The following EEPD1 variants were observed in gnomAD, a reference collection of about 807,000 sequenced individuals.
EEPD1 encodes the protein endonuclease/exonuclease/phosphatase family domain containing 1.
In EEPD1, 17 loss-of-function variants were observed where a neutral mutation model predicts 46.3. That is an observed-to-expected ratio of 0.37 (90% confidence interval 0.25 to 0.55). The LOEUF is 0.55. EEPD1 is among the 20% of genes least tolerant of loss of function. EEPD1 has a pLI of 0.83. For missense variants in EEPD1, 673 were observed against 745.6 expected, an observed-to-expected ratio of 0.90 and a Z score of 1.13; for synonymous variants, 313 against 315.6, an observed-to-expected ratio of 0.99 and a Z score of 0.09.
Position 36,193,962 on chromosome 7 carries a change from G to A in EEPD1, c.878+38760G>A, listed in dbSNP as rs1280310575. On this transcript the variant is annotated intron_variant, in intron 2 of 7. Coordinates refer to ENST00000242108, the MANE Select transcript of EEPD1 (RefSeq NM_030636.3). The surrounding 1 kb of genome is among the most constrained non-coding windows in gnomAD (Gnocchi z 4.9). Reference sequence around the variant, plus strand: ...TCCCCATTTGCATCCTCAGAGCCCTGCAGGTCCCCACCAGTCCCAGGACTT... The same window carrying A: ...TCCCCATTTGCATCCTCAGAGCCCTACAGGTCCCCACCAGTCCCAGGACTT... Among the ~76,000 whole-genome samples, 1 of 152,172 alleles carries A rather than the reference G, an allele frequency of 6.6e-6. No homozygotes were observed. Among genetic ancestry groups the A allele is most frequent in the East Asian group, 1.9e-4 (1 of 5,194 alleles).
chr7:36,213,608 C>G (rs1162788646), intron 2 of EEPD1, among the ~76,000 whole-genome samples: 1 of 152,080 alleles, frequency 6.6e-6, no homozygotes, highest in Non-Finnish European at 1.5e-5. Flanking sequence ...CTTGAGTTCA[C>G]CAACATTGAA....
chr7:36,292,313 T>G (rs557647082), intron 6 of EEPD1, among the ~76,000 whole-genome samples: 2 of 152,234 alleles, frequency 1.3e-5, no homozygotes, highest in Non-Finnish European at 1.5e-5. Flanking sequence ...AGCTGTTTTC[T>G]CTTAGAACCG....
chr7:36,293,622 G>C (rs1787481480), intron 6 of EEPD1, among the ~76,000 whole-genome samples: 1 of 152,104 alleles, frequency 6.6e-6, no homozygotes, highest in African/African-American at 2.4e-5. Context: ...GCTTCCTACA[G>C]GATCTCATTT....
At chr7:36,179,367 T>C (rs954882151) in intron 2 of EEPD1, among the ~76,000 whole-genome samples, 1 of 152,124 alleles carries the variant, frequency 6.6e-6, no homozygotes, top group Non-Finnish European at 1.5e-5. Flanking sequence ...GTAATATATA[T>C]ATTGGGGTTA....
intron 2 of EEPD1, among the ~76,000 whole-genome samples, chr7:36,171,621 G>A (rs1035174061): frequency 4.6e-5 from 7 of 152,230 alleles, no homozygotes; most frequent in Admixed American, 6.5e-5. Flanking sequence ...GTGTCTGAGT[G>A]TGTGTGAATT....
chr7:36,223,396 T>G (rs188593138), intron 2 of EEPD1, among the ~76,000 whole-genome samples: 1 of 151,736 alleles, frequency 6.6e-6, no homozygotes, highest in Non-Finnish European at 1.5e-5. Flanking sequence ...ACCACAGAAA[T>G]TGGCAAATGA....
intron 2 of EEPD1, among the ~76,000 whole-genome samples, chr7:36,236,019 G>A (rs1304512869): frequency 1.3e-5 from 2 of 151,752 alleles, no homozygotes; most frequent in African/African-American, 4.8e-5. Flanking sequence ...CGACCTCCCG[G>A]GCTCAAGAAA....
At chr7:36,260,977 A>G (rs1483677304) in intron 3 of EEPD1, among the ~76,000 whole-genome samples, 1 of 152,260 alleles carries the variant, frequency 6.6e-6, no homozygotes, top group Non-Finnish European at 1.5e-5. Flanking sequence ...GAAGATGTGC[A>G]TAGATTATAA....
intron 3 of EEPD1, among the ~76,000 whole-genome samples, chr7:36,253,527 G>C (rs1786780802): frequency 6.6e-6 from 1 of 152,074 alleles, no homozygotes; most frequent in Admixed American, 6.6e-5. Flanking sequence ...TGGTTGTTCT[G>C]TTATTGAAAG....
chr7:36,259,686 T>C (rs2115827323), intron 3 of EEPD1, among the ~76,000 whole-genome samples: 1 of 151,858 alleles, frequency 6.6e-6, no homozygotes, highest in Admixed American at 6.6e-5. Context: ...TTATAATTTT[T>C]TGTACTTTTA....
At chr7:36,223,389 A>C (rs1786181859) in intron 2 of EEPD1, among the ~76,000 whole-genome samples, 2 of 151,848 alleles carry the variant, frequency 1.3e-5, no homozygotes, top group Non-Finnish European at 2.9e-5. Flanking sequence ...GTAAGACACC[A>C]CAGAAATTGG....
chr7:36,167,532 TG>T (rs1298264852), intron 2 of EEPD1, among the ~76,000 whole-genome samples: 3 of 152,090 alleles, frequency 2.0e-5, no homozygotes, highest in Admixed American at 2.0e-4. Context: ...AGTTTTCCTC[TG>T]AAATGAGAGC....
At chr7:36,166,212 CTGTT>C (rs1394185491) in intron 2 of EEPD1, among the ~76,000 whole-genome samples, 1 of 152,156 alleles carries the variant, frequency 6.6e-6, no homozygotes, top group Non-Finnish European at 1.5e-5. Context: ...CCAGGCAAGA[CTGTT>C]TGGAGTTGAT....
Position 36,219,925 on chromosome 7 carries a change from A to G in EEPD1, c.879-19060A>G, listed in dbSNP as rs565824529. ...TTTGAGGGGAAGCTAGTGAATGGAA[A>G]GGAAAGGTAGGAAAATCAGACATGA... is the stretch of plus-strand genomic sequence containing the variant. On this transcript the variant is annotated intron_variant, in intron 2 of 7. Transcript: ENST00000242108. 5.5e-4 allele frequency among the ~76,000 whole-genome samples: 84 copies of G among 152,012 alleles called. No homozygotes were observed. The South Asian group carries it at 5.6e-3, about 10-fold the overall frequency.
intron 7 of EEPD1, 132 bp from the exon 8 acceptor site, chr7:36,298,875 G>C (rs1390044279): frequency 1.0e-6 from 1 of 991,332 alleles, no homozygotes; most frequent in African/African-American, 1.6e-5. Context: ...GCACCTTCCA[G>C]CTACCTGAGG....
intron 3 of EEPD1, among the ~76,000 whole-genome samples, chr7:36,255,130 T>A (rs1292422914): frequency 2.0e-5 from 3 of 152,226 alleles, no homozygotes; most frequent in African/African-American, 7.2e-5. Context: ...GTGCAGAAGC[T>A]CTTTAGTTTA....
intron 2 of EEPD1, among the ~76,000 whole-genome samples, chr7:36,167,395 A>T (rs150409958): frequency 1.3e-5 from 2 of 152,162 alleles, no homozygotes; most frequent in Admixed American, 6.5e-5. Context: ...AGAAAGCTGC[A>T]TTTGAGTTCC....
chr7:36,234,357 A>C (rs1786390400), intron 2 of EEPD1, among the ~76,000 whole-genome samples: 1 of 152,190 alleles, frequency 6.6e-6, no homozygotes, highest in Non-Finnish European at 1.5e-5. Flanking sequence ...AGAATTCTAT[A>C]AATTAAGGTG....
intron 2 of EEPD1, among the ~76,000 whole-genome samples, chr7:36,178,535 G>A (rs895209024): frequency 4.6e-5 from 7 of 152,194 alleles, no homozygotes; most frequent in African/African-American, 1.7e-4. Context: ...TTTCATATGG[G>A]CTTTAACTGG....
Sources: gnomAD v4.1 joint callset for allele counts (sites outside exome capture counted in the v4.1 genomes callset) on GRCh38, gnomAD v4.1.1 for gene constraint, Gnocchi (gnomAD v3.1) non-coding constraint, MANE v1.5 for transcripts, NCBI Gene and HGNC (gene_info 2026-07-23, HGNC 2026-07-21) for gene names.